The following OSBP2 variants were observed in gnomAD, a reference collection of about 807,000 sequenced individuals.
OSBP2 encodes the protein oxysterol binding protein 2, also known as oxysterol-binding protein 2.
Under a neutral mutation model 96.0 loss-of-function variants are expected in OSBP2, and 66 were observed. The observed-to-expected ratio is 0.69, with a 90% CI of 0.56 to 0.84. The LOEUF (loss-of-function observed/expected upper bound fraction) is 0.84. Among genes scored for constraint, OSBP2 ranks in the 40% least tolerant of loss-of-function variants. The pLI is 0.00. For synonymous variants in OSBP2, 525 were observed against 520.9 expected (o/e 1.01, Z -0.11); for missense variants, 1,038 against 1,222.7 (o/e 0.85, Z 2.25).
chr22:30,760,782 C>A (rs989922606), intron 2 of OSBP2, among the ~76,000 whole-genome samples: 1 of 151,352 alleles, frequency 6.6e-6, no homozygotes, highest in Admixed American at 6.6e-5. Context: ...CGCACCACTG[C>A]ACCCCAGCCT....
At chr22:30,738,093 A>G (rs1469634380) in intron 1 of OSBP2, among the ~76,000 whole-genome samples, 1 of 148,750 alleles carries the variant, frequency 6.7e-6, no homozygotes, top group Non-Finnish European at 1.5e-5. Flanking sequence ...TTTTTTTTCA[A>G]CTCCAGAAAT....
chr22:30,711,948 AG>A (rs1370658984), intron 1 of OSBP2, among the ~76,000 whole-genome samples: 1 of 152,056 alleles, frequency 6.6e-6, no homozygotes, highest in African/African-American at 2.4e-5. Context: ...CACTTTATTC[AG>A]CTAATGCTTA....
rs567476418 is a variant in OSBP2 at position 30,695,672 on chromosome 22, G to A, written c.644+119G>A. 6.1e-6 allele frequency: 9 copies of A among 1,486,634 alleles called. No individual in the cohort carries two copies. In the East Asian group the frequency reaches 2.0e-4, roughly 34 times the overall value. The allele number at this position is 1,486,634 out of a possible 1,614,324, so 92.1% of individuals were successfully genotyped here. A position where few individuals can be genotyped will look rare whatever the true frequency, so the allele number is the denominator to read the frequency against. ...CTAGTCTAGAGATGTTTAGGGGCATGCATTCCAGCAGGCCAAGTCACGCTT... is the reference window on the plus strand; with the variant it reads ...CTAGTCTAGAGATGTTTAGGGGCATACATTCCAGCAGGCCAAGTCACGCTT... On this transcript the variant is annotated intron_variant, in intron 1 of 13. Transcript: ENST00000332585.
In OSBP2 at chr22:30,695,119, G is replaced by T. The variant is rs1275367262; in HGVS notation, c.210G>T (p.Ser70=). The part of the protein sequence containing the change: ...PERGPLSEQV[S]EAVSEAVPRS... ...GGGGACCGCTGTCAGAACAGGTGTC[G>T]GAGGCAGTTTCGGAGGCAGTGCCAA... Residue 70 remains serine (S), a synonymous_variant, in exon 1 of 14, where the codon TCG becomes TCT. Coordinates refer to ENST00000332585, the MANE Select transcript of OSBP2 (RefSeq NM_030758.4). 6.3e-7 allele frequency: 1 copy of T among 1,595,380 alleles called. No homozygotes were observed. Among genetic ancestry groups the T allele is most frequent in the Non-Finnish European group, 8.5e-7 (1 of 1,169,726 alleles).
chr22:30,863,792 C>T (rs1189517207), intron 2 of OSBP2, among the ~76,000 whole-genome samples: 1 of 152,190 alleles, frequency 6.6e-6, no homozygotes, highest in Non-Finnish European at 1.5e-5. Context: ...AGTTGGATAT[C>T]AGCCTCCGAC....
At chr22:30,713,057 C>T (rs956599058) in intron 1 of OSBP2, among the ~76,000 whole-genome samples, 3 of 149,554 alleles carry the variant, frequency 2.0e-5, no homozygotes, top group African/African-American at 2.5e-5. Context: ...GGACTACAGG[C>T]GTGCATCACC....
chr22:30,753,981 A>G (rs1218573442), intron 2 of OSBP2, among the ~76,000 whole-genome samples: 1 of 152,130 alleles, frequency 6.6e-6, no homozygotes, highest in Non-Finnish European at 1.5e-5. Flanking sequence ...TGGATGACAC[A>G]TTGTTCCCTG....
intron 1 of OSBP2, among the ~76,000 whole-genome samples, chr22:30,705,512 C>T (rs755756386): frequency 1.3e-5 from 2 of 152,022 alleles, no homozygotes; most frequent in Non-Finnish European, 2.9e-5. Context: ...AGGCTGGTCT[C>T]GAACTCCCGA....
rs961987254 is a variant in OSBP2, at chr22:30,887,672, G to A, written c.1300+54G>A. The A allele has an allele frequency of 3.5e-6, 5 of 1,448,380 alleles. No homozygotes were observed. The African/African-American group carries it at 5.6e-5, about 16-fold the overall frequency. The allele number at this position is 1,448,380 out of a possible 1,614,324, so 89.7% of individuals were successfully genotyped here. On this transcript the variant is annotated intron_variant, in intron 4 of 13. Transcript: ENST00000332585. Reference sequence around the variant, plus strand: ...CCATGACCTTCTGCCAGCTGGCTCTGCATACACAACTTCTGCGCCCCCACA... The same window carrying A: ...CCATGACCTTCTGCCAGCTGGCTCTACATACACAACTTCTGCGCCCCCACA...
Position 30,890,713 on chromosome 22 carries a change from C to T in OSBP2, c.1624-15C>T, listed in dbSNP as rs1172608327. The T allele has an allele frequency of 6.2e-7, 1 of 1,609,872 alleles. No individual in the cohort carries two copies. Among genetic ancestry groups the T allele is most frequent in the Non-Finnish European group, 8.5e-7 (1 of 1,179,140 alleles). ...GGCTGGTGCCCAGCCTGACCACCCA[C>T]CTGTCCACCCACAGGTGAACTTCAA... On this transcript the variant is annotated splice_polypyrimidine_tract_variant and intron_variant, in intron 7 of 13. Transcript: ENST00000332585. This position sits in a 1 kb window ranked among gnomAD's most constrained non-coding sequence, Gnocchi z 4.4.
At chr22:30,795,195 GC>G (rs2090739724) in intron 2 of OSBP2, among the ~76,000 whole-genome samples, 1 of 152,116 alleles carries the variant, frequency 6.6e-6, no homozygotes, top group Non-Finnish European at 1.5e-5. Context: ...ACAGGTGTAA[GC>G]CACTGGGCCT....
chr22:30,769,621 C>T (rs1317015717), intron 2 of OSBP2, among the ~76,000 whole-genome samples: 1 of 151,992 alleles, frequency 6.6e-6, no homozygotes, highest in Non-Finnish European at 1.5e-5. Flanking sequence ...TACATTCCAG[C>T]CTGGGAAACA....
chr22:30,792,736 G>A (rs755458487), intron 2 of OSBP2, among the ~76,000 whole-genome samples: 3 of 152,094 alleles, frequency 2.0e-5, no homozygotes, highest in Admixed American at 6.5e-5. Context: ...TTGTCTCTTC[G>A]GGAGAAAGTG....
At chr22:30,862,002 CA>C (rs2039220920) in intron 2 of OSBP2, among the ~76,000 whole-genome samples, 2 of 152,228 alleles carry the variant, frequency 1.3e-5, no homozygotes, top group Admixed American at 1.3e-4. Flanking sequence ...CACCTCATCC[CA>C]AAAGCCTTCT....
chr22:30,874,682 G>A lies in OSBP2; in HGVS notation c.1107+4000G>A, dbSNP rs549320217. On this transcript the variant is annotated intron_variant, in intron 3 of 13. Transcript: ENST00000332585. ...AGCCCCAGGGGTTTGAGGGAACAAGGTGCTCAGAGGTGGTTTCTGGATTGG... is the reference window on the plus strand; with the variant it reads ...AGCCCCAGGGGTTTGAGGGAACAAGATGCTCAGAGGTGGTTTCTGGATTGG... Among the ~76,000 whole-genome samples the A allele has an allele frequency of 7.9e-5, 12 of 152,314 alleles. No individual in the cohort carries two copies. In the East Asian group the frequency reaches 2.3e-3, roughly 29 times the overall value.
intron 1 of OSBP2, among the ~76,000 whole-genome samples, chr22:30,730,774 C>CTATATATATATATATATA (rs1206537838): frequency 5.8e-4 from 8 of 13,834 alleles, no homozygotes; most frequent in Admixed American, 9.5e-4. Flanking sequence ...CTCTCTCTCT[C>CTATATATATATATATATA]TATATATATA....
Position 30,792,650 on chromosome 22 carries a change from G to C in OSBP2, c.853+51281G>C, listed in dbSNP as rs564084099. ...CAAGCAAAATGAACTGTACTCTTCG[G>C]CCAATTATCATTGGTTGGCAACATG... On this transcript the variant is annotated intron_variant, in intron 2 of 13. Coordinates refer to ENST00000332585, the MANE Select transcript of OSBP2 (RefSeq NM_030758.4). Among the ~76,000 whole-genome samples, 5 of 152,290 alleles carry C rather than the reference G, an allele frequency of 3.3e-5. No homozygotes were observed. In the South Asian group the frequency reaches 8.3e-4, roughly 25 times the overall value.
intron 2 of OSBP2, among the ~76,000 whole-genome samples, chr22:30,743,852 A>G (rs2089969541): frequency 6.6e-6 from 1 of 152,042 alleles, no homozygotes; most frequent in African/African-American, 2.4e-5. Flanking sequence ...GCGGGGAGGA[A>G]GGAAGTGCTT....
At chr22:30,810,184 G>A (rs1470516639) in intron 2 of OSBP2, among the ~76,000 whole-genome samples, 3 of 152,112 alleles carry the variant, frequency 2.0e-5, no homozygotes, top group Non-Finnish European at 4.4e-5. Context: ...AGAGAGGACT[G>A]ACTCATGTCC....
Sources: gnomAD v4.1 joint callset for allele counts (sites outside exome capture counted in the v4.1 genomes callset) on GRCh38, gnomAD v4.1.1 for gene constraint, Gnocchi (gnomAD v3.1) non-coding constraint, MANE v1.5 for transcripts, NCBI Gene and HGNC (gene_info 2026-07-23, HGNC 2026-07-21) for gene names.